The following DUS2 variants were observed in gnomAD, a reference collection of about 807,000 sequenced individuals.
The protein encoded by DUS2 is dihydrouridine synthase 2.
A neutral mutation model predicts 71.3 loss-of-function variants in DUS2; 52 were observed. The observed-to-expected ratio is 0.73, with a 90% CI of 0.58 to 0.92. The LOEUF (loss-of-function observed/expected upper bound fraction) is 0.92. Among genes scored for constraint, DUS2 ranks in the 40% least tolerant of loss-of-function variants. The probability of loss-of-function intolerance (pLI) is 0.00; values close to 1 mark genes in which losing one functional copy is unlikely to be tolerated. For missense variants in DUS2, 558 were observed against 622.6 expected (o/e 0.90, Z 1.10); for synonymous variants, 204 against 227.8 (o/e 0.90, Z 0.94).
At chr16:68,028,116 G>A (rs1368057234) in intron 2 of DUS2, among the ~76,000 whole-genome samples, 1 of 152,136 alleles carries the variant, frequency 6.6e-6, no homozygotes, top group African/African-American at 2.4e-5. Context: ...TTTGCGTTTG[G>A]AAAGAGCCCT....
chr16:68,077,181 G>A (rs1026151069), intron 15 of DUS2, among the ~76,000 whole-genome samples: 13 of 151,666 alleles, frequency 8.6e-5, no homozygotes, highest in Non-Finnish European at 1.8e-4. Flanking sequence ...TAAACCTGGA[G>A]GCAGAGGTTG....
intron 3 of DUS2, among the ~76,000 whole-genome samples, chr16:68,046,777 T>C (rs28428518): frequency 0.23 from 34,371 of 151,530 alleles, 4,440 homozygotes; most frequent in African/African-American, 0.34. Flanking sequence ...GACGAAGTCT[T>C]GCTCTGTCGC....
At chr16:68,069,855 C>T (rs2034058754) in intron 10 of DUS2, among the ~76,000 whole-genome samples, 1 of 152,146 alleles carries the variant, frequency 6.6e-6, no homozygotes, top group Non-Finnish European at 1.5e-5. Flanking sequence ...CCTTGGGAGC[C>T]AGGCCACCCA....
intron 10 of DUS2, 125 bp downstream of exon 10, chr16:68,066,761 C>A: frequency 2.1e-6 from 2 of 951,290 alleles, no homozygotes; most frequent in Non-Finnish European, 3.3e-6. Context: ...CTACCTCTGC[C>A]TAGCTCTTTG....
chr16:68,078,576 G>A (rs2034191982), intron 16 of DUS2, 58 bp downstream of exon 16: 9 of 1,577,870 alleles, frequency 5.7e-6, no homozygotes, highest in Middle Eastern at 1.8e-4. Flanking sequence ...TGGGCATTCT[G>A]CCCACACATC....
chr16:68,032,381 G>T (rs935781801), intron 2 of DUS2, among the ~76,000 whole-genome samples: 1 of 152,206 alleles, frequency 6.6e-6, no homozygotes, highest in African/African-American at 2.4e-5. Flanking sequence ...TTCTTGTAGA[G>T]CTTGTTGTCC....
intron 6 of DUS2, 134 bp from the exon 7 acceptor site, chr16:68,056,230 T>C: frequency 3.1e-6 from 2 of 650,828 alleles, no homozygotes; most frequent in Non-Finnish European, 5.2e-6. Flanking sequence ...GCTTCTGTCA[T>C]TGGGGGTTGG....
intron 1 of DUS2, 40 bp from the exon 2 acceptor site, chr16:68,025,375 C>G (rs897162517): frequency 6.6e-6 from 1 of 151,922 alleles, no homozygotes; most frequent in Non-Finnish European, 1.5e-5. Flanking sequence ...ATGTTTGTCC[C>G]AACAGGTTTC....
At chr16:68,042,928 G>C (rs1036282842) in intron 3 of DUS2, among the ~76,000 whole-genome samples, 1 of 151,888 alleles carries the variant, frequency 6.6e-6, no homozygotes, top group African/African-American at 2.4e-5. Context: ...GACTGGTCTC[G>C]AACTCCTGGC....
chr16:68,064,296 A>C (rs1481961459), intron 8 of DUS2, among the ~76,000 whole-genome samples: 1 of 152,200 alleles, frequency 6.6e-6, no homozygotes. Flanking sequence ...GTGTCATGCT[A>C]GAGCCTGGCC....
At chr16:68,048,763 C>G (rs1261352161) in intron 3 of DUS2, among the ~76,000 whole-genome samples, 2 of 151,998 alleles carry the variant, frequency 1.3e-5, no homozygotes, top group Non-Finnish European at 2.9e-5. Context: ...AGCACCTCTT[C>G]TTTTCTTTTC....
chr16:68,078,456 T>C lies in DUS2; in HGVS notation c.1182T>C (p.Pro394=). Reference sequence around the variant, plus strand: ...TCTCTTTGTATCAGGTTCAACGCCCTCTAGATCGCCTGTTCTCCTCTATTG... The same window carrying C: ...TCTCTTTGTATCAGGTTCAACGCCCCCTAGATCGCCTGTTCTCCTCTATTG... ...AQPVYETVQR[P]LDRLFSSIVT... The change falls in exon 16 of 17, where the codon CCT becomes CCC. Residue 394 remains proline (P), a synonymous_variant. Coordinates refer to ENST00000565263, the MANE Select transcript of DUS2 (RefSeq NM_017803.5). 6.2e-7 allele frequency: 1 copy of C among 1,614,192 alleles called. No individual in the cohort carries two copies. The highest frequency in any genetic ancestry group is 8.5e-7 in the Non-Finnish European group (1 of 1,180,034).
At chr16:68,045,423 C>G (rs1334020491) in intron 3 of DUS2, among the ~76,000 whole-genome samples, 1 of 151,316 alleles carries the variant, frequency 6.6e-6, no homozygotes, top group Admixed American at 6.6e-5. Context: ...CTGGCCAACA[C>G]GATGAAACCC....
chr16:68,029,735 C>T (rs2033410446), intron 2 of DUS2, among the ~76,000 whole-genome samples: 1 of 152,098 alleles, frequency 6.6e-6, no homozygotes, highest in Non-Finnish European at 1.5e-5. Flanking sequence ...GCATGAGCCA[C>T]TGGACCCAGC....
At chr16:68,029,120 A>G (rs1211843152) in intron 2 of DUS2, among the ~76,000 whole-genome samples, 7 of 151,898 alleles carry the variant, frequency 4.6e-5, no homozygotes, top group African/African-American at 7.3e-5. Context: ...TGGGAGGATC[A>G]CTAGAGCCCA....
At chr16:68,067,343 G>A (rs1245278890) in intron 10 of DUS2, among the ~76,000 whole-genome samples, 2 of 118,534 alleles carry the variant, frequency 1.7e-5, no homozygotes, top group Admixed American at 9.9e-5. Flanking sequence ...GTGCAGTAGC[G>A]CAGTCTTGGC....
chr16:68,079,151 A>C lies in DUS2; in HGVS notation c.*165A>C. 1 of 578,010 alleles carries C rather than the reference A, an allele frequency of 1.7e-6. No homozygotes were observed. The highest frequency in any genetic ancestry group is 2.9e-6 in the Non-Finnish European group (1 of 348,916). 35.8% of individuals were successfully genotyped at this position (578,010 alleles called of 1,614,324 possible). On this transcript the variant is annotated 3_prime_UTR_variant, in exon 17 of 17. Transcript: ENST00000565263. ...CTAGAGCATGGACCAGGGGCCGCCCAGGGGTGGATCCTGGCCCCTTTGGTG... is the reference window on the plus strand; with the variant it reads ...CTAGAGCATGGACCAGGGGCCGCCCCGGGGTGGATCCTGGCCCCTTTGGTG...
At chr16:68,043,290 C>A (rs1001007843) in intron 3 of DUS2, among the ~76,000 whole-genome samples, 1 of 152,116 alleles carries the variant, frequency 6.6e-6, no homozygotes, top group Non-Finnish European at 1.5e-5. Flanking sequence ...TCTGTAATCC[C>A]AGCTACTGGG....
chr16:68,052,350 G>A (rs2033790898), intron 4 of DUS2, among the ~76,000 whole-genome samples: 1 of 152,162 alleles, frequency 6.6e-6, no homozygotes, highest in African/African-American at 2.4e-5. Context: ...TTTGACCTCA[G>A]CTGGGAACAT....
Sources: allele counts gnomAD v4.1 joint callset (sites outside exome capture counted in the v4.1 genomes callset), GRCh38; gene constraint gnomAD v4.1.1; transcripts MANE v1.5; gene names NCBI Gene and HGNC (gene_info 2026-07-23, HGNC 2026-07-21).